EFCAB5: variants seen among roughly 807,000 people sequenced by gnomAD.
EFCAB5 encodes EF-hand calcium-binding domain-containing protein 5.
A neutral mutation model predicts 167.9 loss-of-function variants in EFCAB5; 131 were observed. That is an observed-to-expected ratio of 0.78 (90% CI 0.68 to 0.90). The LOEUF is 0.90. Among genes scored for constraint, EFCAB5 ranks in the 40% least tolerant of loss-of-function variants. The pLI, the probability that EFCAB5 is intolerant of heterozygous loss-of-function variation, is 0.00. For synonymous variants in EFCAB5, 574 were observed against 602.8 expected (o/e 0.95, Z 0.70); for missense variants, 1,663 against 1,745.2 (o/e 0.95, Z 0.84).
intron 22 of EFCAB5, among the ~76,000 whole-genome samples, chr17:30,097,518 T>C (rs1863955717): frequency 6.6e-6 from 1 of 152,244 alleles, no homozygotes; most frequent in Non-Finnish European, 1.5e-5. Context: ...TCTATTTCTG[T>C]TATGCACATA....
At chr17:29,968,206 TCA>T (rs1227165180) in intron 3 of EFCAB5, 2 of 377,376 alleles carry the variant, frequency 5.3e-6, no homozygotes, top group Non-Finnish European at 5.2e-6. Flanking sequence ...CAACTGAACC[TCA>T]GTGTTGTAGC....
intron 10 of EFCAB5, among the ~76,000 whole-genome samples, chr17:30,055,464 A>T (rs1330580883): frequency 6.6e-6 from 1 of 152,190 alleles, no homozygotes; most frequent in African/African-American, 2.4e-5. Flanking sequence ...CAAATCTTTT[A>T]CTTATTAAAT....
chr17:30,101,589 A>G lies in EFCAB5; in HGVS notation c.4322-6245A>G, dbSNP rs1203526242. ...TAAATAAATCTGGAGTTTTCGAGAA[A>G]GGTCTAAGCTGGAGATATAAAATCG... is the stretch of plus-strand genomic sequence containing the variant. On this transcript the variant is annotated intron_variant, in intron 22 of 22. Coordinates refer to ENST00000394835, the MANE Select transcript of EFCAB5 (RefSeq NM_198529.4). 3.2e-4 allele frequency among the ~76,000 whole-genome samples: 49 copies of G among 152,336 alleles called. 1 individual carries two copies. The highest frequency in any genetic ancestry group is 5.9e-5 in the Non-Finnish European group (4 of 68,026).
chr17:30,072,910 G>A (rs766399982), intron 14 of EFCAB5, among the ~76,000 whole-genome samples: 22 of 151,986 alleles, frequency 1.4e-4, no homozygotes, highest in Non-Finnish European at 2.8e-4. Context: ...ATAGCAGTAT[G>A]TATTCATGGT....
intron 7 of EFCAB5, among the ~76,000 whole-genome samples, chr17:30,020,340 T>C (rs1362665701): frequency 6.6e-6 from 1 of 151,924 alleles, no homozygotes; most frequent in African/African-American, 2.4e-5. Context: ...AAGTTGGATT[T>C]TACCTATGCA....
chr17:29,999,806 C>G, intron 6 of EFCAB5, 100 bp from the exon 7 acceptor site: 1 of 739,702 alleles, frequency 1.4e-6, no homozygotes, highest in Non-Finnish European at 2.0e-6. Context: ...TAGACATTAG[C>G]TAATAAATAA....
chr17:29,998,681 A>G (rs2068596495), intron 6 of EFCAB5, among the ~76,000 whole-genome samples: 1 of 152,214 alleles, frequency 6.6e-6, no homozygotes, highest in South Asian at 2.1e-4. Flanking sequence ...TATGGCCACA[A>G]TAACAGATAT....
intron 7 of EFCAB5, among the ~76,000 whole-genome samples, chr17:30,014,225 G>C (rs553899643): frequency 6.6e-6 from 1 of 151,958 alleles, no homozygotes. Context: ...ACTTCCAACT[G>C]TGTGGTCAAT....
intron 22 of EFCAB5, among the ~76,000 whole-genome samples, chr17:30,097,452 C>A (rs1382305588): frequency 1.3e-5 from 2 of 152,234 alleles, no homozygotes; most frequent in East Asian, 3.8e-4. Flanking sequence ...TTCAGTCCCC[C>A]TCGCCAGGGG....
chr17:29,980,439 T>C (rs1415912957), intron 4 of EFCAB5, among the ~76,000 whole-genome samples: 1 of 152,262 alleles, frequency 6.6e-6, no homozygotes, highest in Non-Finnish European at 1.5e-5. Context: ...CCAGGCTTTC[T>C]CTAATAAATG....
chr17:30,096,815 G>A (rs1170512421), intron 22 of EFCAB5, among the ~76,000 whole-genome samples: 1 of 147,160 alleles, frequency 6.8e-6, no homozygotes, highest in African/African-American at 2.5e-5. Flanking sequence ...CAGTAGCTGG[G>A]ATTACAGGCA....
chr17:29,932,449 CTTTTTTTT>C (rs35262851), intron 1 of EFCAB5, among the ~76,000 whole-genome samples: 3 of 66,708 alleles, frequency 4.5e-5, no homozygotes, highest in African/African-American at 1.1e-4. Context: ...CTGTGCCCGG[CTTTTTTTT>C]TTTTTTTTTT....
rs2067201470 is a variant in EFCAB5 at position 29,931,929 on chromosome 17, C to CTTAA, written c.-127+2601_-127+2604dup. Among the ~76,000 whole-genome samples the CTTAA allele has an allele frequency of 1.3e-5, 2 of 152,112 alleles. 1 individual carries two copies. The highest frequency in any genetic ancestry group is 3.9e-4 in the East Asian group (2 of 5,194). On this transcript the variant is annotated intron_variant, in intron 1 of 3. Transcript: ENST00000448319. ...AGAAATTCTTTTGGAAGATGAAAGGCTTAAGTCCATTAACCTTGCAGTGAG... is the reference window on the plus strand; with the variant it reads ...AGAAATTCTTTTGGAAGATGAAAGGCTTAATTAAGTCCATTAACCTTGCAGTGAG...
intron 14 of EFCAB5, among the ~76,000 whole-genome samples, chr17:30,076,587 A>C (rs2070872862): frequency 6.6e-6 from 1 of 152,248 alleles, no homozygotes. Context: ...AATGGTGTAG[A>C]ATAGATGCTA....
At chr17:29,980,415 T>A (rs191070593) in intron 4 of EFCAB5, among the ~76,000 whole-genome samples, 99 of 152,380 alleles carry the variant, frequency 6.5e-4, no homozygotes, top group African/African-American at 2.2e-3. Context: ...AACCTGTTAC[T>A]TCTGGCTTTT....
rs768136676 is a variant in EFCAB5, at chr17:30,057,900, A to G, written c.2580+10A>G. 7 of 1,604,914 alleles carry G rather than the reference A, an allele frequency of 4.4e-6. No homozygotes were observed. The Admixed American group carries it at 1.2e-4, about 27-fold the overall frequency. On this transcript the variant is annotated intron_variant, in intron 13 of 22. Transcript: ENST00000394835. ...GAATGCCTTAGAACAGGTGGGTAAT[A>G]TTATTTATTAATGATACAAGTGAGG... is the stretch of plus-strand genomic sequence containing the variant.
rs529326674 is a variant in EFCAB5, at chr17:30,095,326, G to A, written c.4321+2390G>A. Among the ~76,000 whole-genome samples, 9 of 152,256 alleles carry A rather than the reference G, an allele frequency of 5.9e-5. No individual in the cohort carries two copies. In the South Asian group the frequency reaches 1.9e-3, roughly 32 times the overall value. On this transcript the variant is annotated intron_variant, in intron 22 of 22. Transcript: ENST00000394835. ...CCACTTCTCCTACAGGGGTCCCAGA[G>A]CTCCAACTCTGTCAAAGCAGCCAGA...
rs117150247 is a variant in EFCAB5, at chr17:29,975,950, G to T, written c.767+6583G>T. On this transcript the variant is annotated intron_variant, in intron 4 of 22. Coordinates refer to ENST00000394835, the MANE Select transcript of EFCAB5 (RefSeq NM_198529.4). ...TTAAAAAGAAAACAAATTAAGAGAG[G>T]TTTAGTACTAGTGAAAACTTCCAGT... 4.1e-4 allele frequency among the ~76,000 whole-genome samples: 63 copies of T among 152,252 alleles called. No individual in the cohort carries two copies. The East Asian group carries it at 0.011, about 27-fold the overall frequency.
At position 29,999,977 on chromosome 17, in the gene EFCAB5, GTAAGAGTTACATTATTTAA is replaced by G. The variant is rs1457635223; in HGVS notation, c.1044+3_1044+21del. On this transcript the variant is annotated splice_donor_variant and splice_donor_5th_base_variant and intron_variant, in intron 7 of 22. Coordinates refer to ENST00000394835, the MANE Select transcript of EFCAB5 (RefSeq NM_198529.4). LOFTEE classifies it high-confidence loss of function. The stretch of plus-strand genomic sequence containing the variant: ...ATTGAACAAAATGGAATTTACAGAA[GTAAGAGTTACATTATTTAA>G]TGTTTGAATTGAATTATTTTGTCAG... 1.9e-6 allele frequency: 3 copies of G among 1,556,958 alleles called. No individual in the cohort carries two copies. In the African/African-American group the frequency reaches 4.1e-5, roughly 21 times the overall value.
Sources: allele counts gnomAD v4.1 joint callset (sites outside exome capture counted in the v4.1 genomes callset), GRCh38; gene constraint gnomAD v4.1.1; transcripts MANE v1.5; gene names NCBI Gene and HGNC (gene_info 2026-07-23, HGNC 2026-07-21).